NFIA: variants seen among roughly 807,000 people sequenced by gnomAD.
NFIA encodes the protein nuclear factor I A.
In NFIA, 8 loss-of-function variants were observed where a neutral mutation model predicts 62.8. The ratio of observed to expected loss-of-function variants is 0.13; its 90% CI spans 0.07 to 0.23. NFIA has a LOEUF of 0.23. Ranked by LOEUF, NFIA falls within the 10% of genes least tolerant of loss-of-function variation. NFIA has a pLI of 1.00. For missense variants in NFIA, 410 were observed against 642.1 expected, an observed-to-expected ratio of 0.64 and a Z score of 3.91; for synonymous variants, 235 against 238.1, an observed-to-expected ratio of 0.99 and a Z score of 0.12.
chr1:61,238,868 G>T (rs1195423895), intron 2 of NFIA, among the ~76,000 whole-genome samples: 2 of 152,056 alleles, frequency 1.3e-5, no homozygotes, highest in Non-Finnish European at 2.9e-5. Flanking sequence ...GCTCTCCTGG[G>T]TTACATTTTA....
At chr1:61,402,184 C>T (rs1665597881) in intron 7 of NFIA, among the ~76,000 whole-genome samples, 2 of 151,672 alleles carry the variant, frequency 1.3e-5, no homozygotes, top group South Asian at 2.1e-4. Context: ...ACTACAGGCA[C>T]CCACCACCAC....
intron 10 of NFIA, among the ~76,000 whole-genome samples, chr1:61,431,621 TGCAA>T (rs1667099182): frequency 6.6e-6 from 1 of 152,278 alleles, no homozygotes. Context: ...CTGCCTGACT[TGCAA>T]GCAGTGTGAT....
upstream of NFIA, among the ~76,000 whole-genome samples, chr1:61,079,836 C>A (rs1646073985): frequency 1.3e-5 from 2 of 152,066 alleles, no homozygotes; most frequent in Admixed American, 1.3e-4. Context: ...TGTTTTTTAC[C>A]CCCAGTCTGC....
rs992371816 is a variant in NFIA, at chr1:61,202,341, C to T, written c.560-75179C>T. Among the ~76,000 whole-genome samples, 6 of 152,108 alleles carry T rather than the reference C, an allele frequency of 3.9e-5. No individual in the cohort carries two copies. The South Asian group carries it at 6.2e-4, about 16-fold the overall frequency. ...CTTGGTCAAAATATGTTCCCTAAGA[C>T]TCTGGGAAGTCTTGTATATATAAGA... On this transcript the variant is annotated intron_variant, in intron 2 of 10. Transcript: ENST00000403491.
chr1:61,181,609 C>T (rs1294751651), intron 2 of NFIA, among the ~76,000 whole-genome samples: 1 of 152,046 alleles, frequency 6.6e-6, no homozygotes, highest in Admixed American at 6.5e-5. Context: ...TGTTAAGTAT[C>T]TACTTACATA....
At chr1:61,199,866 G>A (rs375123440) in intron 2 of NFIA, among the ~76,000 whole-genome samples, 85 of 151,208 alleles carry the variant, frequency 5.6e-4, no homozygotes, top group African/African-American at 1.8e-3. Context: ...GTGGTTGTGC[G>A]TGCCTGTAAT....
At position 61,245,408 on chromosome 1, in the gene NFIA, T is replaced by C. The variant is rs573714840; in HGVS notation, c.560-32112T>C. Among the ~76,000 whole-genome samples, 5 of 152,298 alleles carry C rather than the reference T, an allele frequency of 3.3e-5. No individual in the cohort carries two copies. In the South Asian group the frequency reaches 1.0e-3, roughly 32 times the overall value. On this transcript the variant is annotated intron_variant, in intron 2 of 10. Coordinates refer to ENST00000403491, the MANE Select transcript of NFIA (RefSeq NM_001134673.4). ...TCCTAACTATAGGCAACAAAATGTT[T>C]TCCATATATTATGGTCGAAGCTTTT...
chr1:61,096,298 C>T (rs1459208655), intron 2 of NFIA, among the ~76,000 whole-genome samples: 2 of 151,994 alleles, frequency 1.3e-5, no homozygotes, highest in African/African-American at 4.8e-5. Flanking sequence ...ACCGCAATCT[C>T]TGCCTCCCTG....
chr1:61,115,289 A>G (rs572309422), intron 2 of NFIA, among the ~76,000 whole-genome samples: 14 of 152,308 alleles, frequency 9.2e-5, no homozygotes, highest in Non-Finnish European at 1.5e-5. Context: ...CCGCAAATAT[A>G]TATTGATAAC....
At chr1:61,081,232 G>A (rs1646090709), upstream of NFIA, among the ~76,000 whole-genome samples, 1 of 151,584 alleles carries the variant, frequency 6.6e-6, no homozygotes, top group Non-Finnish European at 1.5e-5. Flanking sequence ...CGAGAGAGGA[G>A]AGCCTAGAGA....
intron 2 of NFIA, among the ~76,000 whole-genome samples, chr1:61,153,132 G>A (rs1359273049): frequency 6.6e-6 from 1 of 152,238 alleles, no homozygotes; most frequent in African/African-American, 2.4e-5. Context: ...TTCAGGGCTA[G>A]TAAATCTGTT....
At chr1:61,376,066 C>T (rs981021585) in intron 6 of NFIA, among the ~76,000 whole-genome samples, 1 of 152,118 alleles carries the variant, frequency 6.6e-6, no homozygotes, top group African/African-American at 2.4e-5. Flanking sequence ...GCAGCCTTCT[C>T]CTTGAAACAC....
chr1:61,084,829 A>G (rs1482439387), intron 1 of NFIA, among the ~76,000 whole-genome samples: 2 of 151,870 alleles, frequency 1.3e-5, no homozygotes, highest in Non-Finnish European at 1.5e-5. Flanking sequence ...TTGGTTCATG[A>G]GGTATTATGA....
intron 3 of NFIA, among the ~76,000 whole-genome samples, chr1:61,320,521 C>T (rs973423704): frequency 3.3e-5 from 5 of 152,168 alleles, no homozygotes; most frequent in Non-Finnish European, 2.9e-5. Context: ...TATAATAGTA[C>T]ATTTAATATT....
intron 7 of NFIA, among the ~76,000 whole-genome samples, chr1:61,395,288 G>GTTTTTTT (rs1303184667): frequency 7.4e-6 from 1 of 135,664 alleles, no homozygotes; most frequent in African/African-American, 2.8e-5. Context: ...GTGTGTGTGT[G>GTTTTTTT]TTTTTTTTTT....
chr1:61,406,319 A>C (rs1665817161), intron 8 of NFIA, among the ~76,000 whole-genome samples: 1 of 152,330 alleles, frequency 6.6e-6, no homozygotes, highest in South Asian at 2.1e-4. Context: ...AATGTAGTTC[A>C]AGAGATAAGT....
intron 7 of NFIA, among the ~76,000 whole-genome samples, chr1:61,390,098 C>A (rs74086958): frequency 6.6e-6 from 1 of 151,968 alleles, no homozygotes; most frequent in African/African-American, 2.4e-5. Context: ...GCACAGGGTG[C>A]GGTAGAAAAT....
At chr1:61,299,028 T>G (rs1423038872) in intron 3 of NFIA, among the ~76,000 whole-genome samples, 1 of 152,184 alleles carries the variant, frequency 6.6e-6, no homozygotes, top group Non-Finnish European at 1.5e-5. Flanking sequence ...AAATGTACTT[T>G]CATGCATTTC....
intron 2 of NFIA, among the ~76,000 whole-genome samples, chr1:61,115,888 A>G (rs750200946): frequency 7.2e-5 from 11 of 152,170 alleles, no homozygotes; most frequent in Non-Finnish European, 1.2e-4. Flanking sequence ...AATTTAAAGT[A>G]TGAAACTTTT....
Sources: gnomAD v4.1 joint callset for allele counts (sites outside exome capture counted in the v4.1 genomes callset) on GRCh38, gnomAD v4.1.1 for gene constraint, MANE v1.5 for transcripts, NCBI Gene and HGNC (gene_info 2026-07-23, HGNC 2026-07-21) for gene names.